TRMT11: variants seen among roughly 807,000 people sequenced by gnomAD.
The protein encoded by TRMT11 is tRNA (guanine(10)-N(2))-methyltransferase TRMT11.
Under a neutral mutation model 62.8 loss-of-function variants are expected in TRMT11, and 53 were observed. The ratio of observed to expected loss-of-function variants is 0.84; its 90% CI spans 0.68 to 1.06. TRMT11 has a LOEUF of 1.06. Ranked by LOEUF, TRMT11 falls within the 50% of genes least tolerant of loss-of-function variation. The pLI is 0.00. For synonymous variants in TRMT11, 188 were observed against 190.3 expected (o/e 0.99, Z 0.10); for missense variants, 556 against 553.4 (o/e 1.00, Z -0.05).
At chr6:126,216,298 G>A in the TRMT11 span, among the ~76,000 whole-genome samples, 1 of 152,024 alleles carries the variant, frequency 6.6e-6, no homozygotes, top group East Asian at 1.9e-4. Flanking sequence ...TTTATTTGAA[G>A]TTTTTCTATG....
chr6:126,052,322 C>T (rs1039011738), intron 16 of TRMT11, among the ~76,000 whole-genome samples: 3 of 152,094 alleles, frequency 2.0e-5, no homozygotes, highest in Non-Finnish European at 2.9e-5. Context: ...GGGCTCCAGA[C>T]GCAGAAAAAG....
At chr6:126,094,829 A>G (rs931950382) in intron 17 of TRMT11, among the ~76,000 whole-genome samples, 16 of 152,210 alleles carry the variant, frequency 1.1e-4, no homozygotes, top group African/African-American at 3.6e-4. Flanking sequence ...GATTTTTCAA[A>G]GAACTCTCAT....
intron 17 of TRMT11, among the ~76,000 whole-genome samples, chr6:126,087,442 C>T (rs1315412696): frequency 6.6e-6 from 1 of 152,176 alleles, no homozygotes; most frequent in Non-Finnish European, 1.5e-5. Context: ...AACTAAAGAA[C>T]ATTAGCCAAG....
intron 1 of TRMT11, among the ~76,000 whole-genome samples, chr6:125,988,682 A>G (rs1790075550): frequency 6.6e-6 from 1 of 152,166 alleles, no homozygotes; most frequent in Non-Finnish European, 1.5e-5. Context: ...ACCAAAGGGG[A>G]GAGTTGACAA....
intron 1 of TRMT11, among the ~76,000 whole-genome samples, chr6:126,196,954 G>C (rs1778673917): frequency 6.6e-6 from 1 of 152,012 alleles, no homozygotes; most frequent in Admixed American, 6.6e-5. Context: ...AACTTAAAAT[G>C]AGAAGATACA....
intron 17 of TRMT11, among the ~76,000 whole-genome samples, chr6:126,112,207 A>G (rs1388587087): frequency 1.3e-5 from 2 of 152,088 alleles, no homozygotes; most frequent in Non-Finnish European, 2.9e-5. Flanking sequence ...CCACCTGCCC[A>G]TTAGAGAACC....
intron 17 of TRMT11, among the ~76,000 whole-genome samples, chr6:126,090,511 G>A (rs1777262083): frequency 6.6e-6 from 1 of 152,018 alleles, no homozygotes; most frequent in South Asian, 2.1e-4. Context: ...ATTTAATATT[G>A]AACATAGACA....
rs149711987 is a variant in TRMT11 at position 126,089,268 on chromosome 6, C to T, written c.*1438-23598C>T. ...AGCTGGGATTACAGGCGCCTGCCAC[C>T]GTGCCCAGCAAATTTTTGCATTTTC... is the stretch of plus-strand genomic sequence containing the variant. On this transcript the variant is annotated intron_variant and NMD_transcript_variant, in intron 17 of 22. Coordinates refer to the TRMT11 transcript ENST00000648977. Among the ~76,000 whole-genome samples, 532 of 152,136 alleles carry T rather than the reference C, an allele frequency of 3.5e-3. 5 individuals are homozygous for T. The highest frequency in any genetic ancestry group is 0.011 in the African/African-American group (471 of 41,508).
chr6:126,197,793 C>T (rs1176869089), intron 1 of TRMT11, among the ~76,000 whole-genome samples: 2 of 152,048 alleles, frequency 1.3e-5, no homozygotes, highest in African/African-American at 4.8e-5. Flanking sequence ...TGTCATATCC[C>T]ACCACTTTTG....
intron 21 of TRMT11, among the ~76,000 whole-genome samples, chr6:126,143,955 T>C (rs183398143): frequency 6.6e-6 from 1 of 152,258 alleles, no homozygotes; most frequent in East Asian, 1.9e-4. Context: ...AGGACAACAA[T>C]TTACCAGTTA....
intron 11 of TRMT11, among the ~76,000 whole-genome samples, chr6:126,020,019 G>C (rs1583746455): frequency 6.6e-6 from 1 of 152,156 alleles, no homozygotes; most frequent in Admixed American, 6.5e-5. Flanking sequence ...ATGATGCTTG[G>C]GAAGTGGGTG....
chr6:126,232,050 A>T, the TRMT11 span, among the ~76,000 whole-genome samples: 266 of 152,282 alleles, frequency 1.7e-3, no homozygotes, highest in Non-Finnish European at 3.1e-3. Context: ...ATCATATGGT[A>T]AATCTTCTGG....
At chr6:126,141,720 T>G (rs1777918946) in intron 21 of TRMT11, among the ~76,000 whole-genome samples, 1 of 152,122 alleles carries the variant, frequency 6.6e-6, no homozygotes, top group African/African-American at 2.4e-5. Context: ...AACTTCTCTT[T>G]AGCAACATTT....
chr6:126,225,936 T>C, the TRMT11 span, among the ~76,000 whole-genome samples: 1 of 149,518 alleles, frequency 6.7e-6, no homozygotes, highest in Non-Finnish European at 1.5e-5. Flanking sequence ...GTGATCCATC[T>C]GCCCGTCTGT....
intron 17 of TRMT11, among the ~76,000 whole-genome samples, chr6:126,070,663 T>C (rs901313797): frequency 4.6e-5 from 7 of 152,234 alleles, no homozygotes; most frequent in Non-Finnish European, 8.8e-5. Flanking sequence ...ATCTAGTTAA[T>C]GACACCATCC....
At chr6:126,257,988 G>A in the TRMT11 span, 3 of 1,548,294 alleles carry the variant, frequency 1.9e-6, no homozygotes, top group African/African-American at 4.1e-5. Flanking sequence ...AGGGATGAAG[G>A]CCTCGGTGGG....
chr6:126,231,535 T>C, the TRMT11 span, among the ~76,000 whole-genome samples: 5 of 152,328 alleles, frequency 3.3e-5, no homozygotes, highest in South Asian at 8.3e-4. Context: ...TAGTTAGGTT[T>C]TGGGGGAGTC....
chr6:126,109,061 CACTT>C, intron 17 of TRMT11, among the ~76,000 whole-genome samples: 1 of 152,182 alleles, frequency 6.6e-6, no homozygotes, highest in Middle Eastern at 3.4e-3. Context: ...TCTATATAGA[CACTT>C]ATTATTTTAT....
At chr6:125,989,534 C>T (rs1371160738) in intron 1 of TRMT11, among the ~76,000 whole-genome samples, 2 of 152,080 alleles carry the variant, frequency 1.3e-5, no homozygotes, top group African/African-American at 4.8e-5. Flanking sequence ...GAAAAGATAC[C>T]ACTTAGAGAA....
Sources: gnomAD v4.1 joint callset for allele counts (sites outside exome capture counted in the v4.1 genomes callset) on GRCh38, gnomAD v4.1.1 for gene constraint, MANE v1.5 for transcripts, NCBI Gene and HGNC (gene_info 2026-07-23, HGNC 2026-07-21) for gene names.